The following FHOD3 variants were observed in gnomAD, a reference collection of about 807,000 sequenced individuals.
FHOD3 encodes FH1/FH2 domain-containing protein 3.
In FHOD3, 90 loss-of-function variants were observed where a neutral mutation model predicts 173.0. The ratio of observed to expected loss-of-function variants is 0.52; its 90% CI spans 0.44 to 0.62. The LOEUF (loss-of-function observed/expected upper bound fraction) is 0.62. Ranked by LOEUF, FHOD3 falls within the 20% of genes least tolerant of loss-of-function variation. The pLI, the probability that FHOD3 is intolerant of heterozygous loss-of-function variation, is 0.00. For missense variants in FHOD3, 1,945 were observed against 2,034.7 expected (o/e 0.96, Z 0.85); for synonymous variants, 828 against 823.0 (o/e 1.01, Z -0.10).
chr18:36,417,292 T>C (rs530320186), intron 3 of FHOD3, among the ~76,000 whole-genome samples: 1 of 152,194 alleles, frequency 6.6e-6, no homozygotes, highest in Non-Finnish European at 1.5e-5. Flanking sequence ...ATCATTTAGC[T>C]CCTACTTATT....
rs1353923767 is a variant in FHOD3 at position 36,764,004 on chromosome 18, G to A, written c.4624+3222G>A. ...GAAAATAATATTATGCTTTGGCAAT[G>A]AAAAGGTAGCCTTTTAGTGACCAAG... On this transcript the variant is annotated intron_variant, in intron 27 of 28. Coordinates refer to ENST00000590592, the MANE Select transcript of FHOD3 (RefSeq NM_001281740.3). 3.3e-5 allele frequency among the ~76,000 whole-genome samples: 5 copies of A among 152,236 alleles called. No individual in the cohort carries two copies. The East Asian group carries it at 9.6e-4, about 29-fold the overall frequency.
intron 18 of FHOD3, among the ~76,000 whole-genome samples, chr18:36,713,809 T>G (rs1031913518): frequency 6.6e-6 from 1 of 152,130 alleles, no homozygotes; most frequent in Non-Finnish European, 1.5e-5. Context: ...TAAAAAAAAG[T>G]ATTCAAGTAA....
At chr18:36,513,654 C>T (rs1364624453) in intron 5 of FHOD3, among the ~76,000 whole-genome samples, 3 of 152,038 alleles carry the variant, frequency 2.0e-5, no homozygotes, top group South Asian at 2.1e-4. Context: ...TGTTTTGCCC[C>T]GAGAATGCTT....
At chr18:36,644,439 G>A (rs550961192) in intron 10 of FHOD3, among the ~76,000 whole-genome samples, 1 of 152,264 alleles carries the variant, frequency 6.6e-6, no homozygotes, top group East Asian at 1.9e-4. Context: ...CCTAGGAGAG[G>A]ATATTTCCTT....
chr18:36,639,487 C>T (rs1385165247), intron 10 of FHOD3, among the ~76,000 whole-genome samples: 1 of 152,000 alleles, frequency 6.6e-6, no homozygotes, highest in Non-Finnish European at 1.5e-5. Context: ...GGTGAAACCC[C>T]GTCTCTACTA....
intron 2 of FHOD3, among the ~76,000 whole-genome samples, chr18:36,369,496 C>CATAT (rs1303201150): frequency 6.1e-3 from 646 of 105,980 alleles, no homozygotes; most frequent in Middle Eastern, 0.023. Context: ...CACACACACA[C>CATAT]ACATATATAT....
At chr18:36,449,027 C>CT (rs2051667514) in intron 3 of FHOD3, among the ~76,000 whole-genome samples, 1 of 151,884 alleles carries the variant, frequency 6.6e-6, no homozygotes, top group African/African-American at 2.4e-5. Context: ...AGAAAGGACT[C>CT]TTTTACCCTG....
At chr18:36,594,765 A>G (rs761955334) in intron 6 of FHOD3, 22 bp from the exon 7 acceptor site, 8 of 1,583,194 alleles carry the variant, frequency 5.1e-6, no homozygotes, top group Non-Finnish European at 6.9e-6. Flanking sequence ...CAGTGATGTG[A>G]TGGTTTTATC....
chr18:36,484,128 C>T (rs2054071451), intron 3 of FHOD3, among the ~76,000 whole-genome samples: 1 of 152,244 alleles, frequency 6.6e-6, no homozygotes, highest in African/African-American at 2.4e-5. Flanking sequence ...TGTATTTCTG[C>T]TAGACTATTT....
At chr18:36,650,231 G>A (rs906181925) in intron 11 of FHOD3, among the ~76,000 whole-genome samples, 8 of 150,922 alleles carry the variant, frequency 5.3e-5, no homozygotes, top group African/African-American at 2.0e-4. Flanking sequence ...CTACAAATAA[G>A]CAAAATCAAA....
At chr18:36,559,150 G>C (rs558535064) in intron 5 of FHOD3, among the ~76,000 whole-genome samples, 45 of 152,300 alleles carry the variant, frequency 3.0e-4, no homozygotes, top group Admixed American at 1.6e-3. Flanking sequence ...GTATCCTTGA[G>C]TTGGATTCTT....
chr18:36,488,364 G>A (rs1381692713), intron 3 of FHOD3, among the ~76,000 whole-genome samples: 3 of 152,156 alleles, frequency 2.0e-5, no homozygotes, highest in South Asian at 2.1e-4. Flanking sequence ...CATTGACCCC[G>A]GGAAGGAAGA....
chr18:36,646,372 G>A (rs2035683986), intron 10 of FHOD3, among the ~76,000 whole-genome samples: 1 of 152,088 alleles, frequency 6.6e-6, no homozygotes, highest in Non-Finnish European at 1.5e-5. Context: ...AATTAAGATA[G>A]CAGTAAGATT....
chr18:36,693,534 G>T, intron 17 of FHOD3, 111 bp downstream of exon 17: 1 of 986,504 alleles, frequency 1.0e-6, no homozygotes, highest in South Asian at 1.6e-5. Context: ...AGCAACTATG[G>T]GTACACTTTG....
chr18:36,495,104 T>G (rs1307937898), intron 3 of FHOD3, among the ~76,000 whole-genome samples: 2 of 151,774 alleles, frequency 1.3e-5, no homozygotes, highest in Non-Finnish European at 2.9e-5. Context: ...CCCTGGCTAA[T>G]TTTTGTATTT....
At chr18:36,406,548 T>C (rs542863653) in intron 3 of FHOD3, among the ~76,000 whole-genome samples, 4 of 152,024 alleles carry the variant, frequency 2.6e-5, no homozygotes, top group Admixed American at 6.6e-5. Flanking sequence ...TTAAACGGGG[T>C]GTGTTTGGGT....
chr18:36,681,368 C>A, intron 14 of FHOD3, 68 bp from the exon 15 acceptor site: 1 of 1,587,924 alleles, frequency 6.3e-7, no homozygotes, highest in South Asian at 1.1e-5. Context: ...CAAGGTCTGA[C>A]TGGTGCTTAC....
intron 5 of FHOD3, among the ~76,000 whole-genome samples, chr18:36,553,540 G>T (rs1054276280): frequency 1.2e-4 from 18 of 152,124 alleles, no homozygotes; most frequent in African/African-American, 4.3e-4. Flanking sequence ...TCCTGGTTTA[G>T]TCTTGGGAGG....
chr18:36,434,221 A>G (rs1440333024), intron 3 of FHOD3, among the ~76,000 whole-genome samples: 11 of 152,164 alleles, frequency 7.2e-5, no homozygotes, highest in Non-Finnish European at 1.3e-4. Flanking sequence ...CAGTTTTTCT[A>G]TTTTGGTCTA....
Sources: allele counts gnomAD v4.1 joint callset (sites outside exome capture counted in the v4.1 genomes callset), GRCh38; gene constraint gnomAD v4.1.1; transcripts MANE v1.5; gene names NCBI Gene and HGNC (gene_info 2026-07-23, HGNC 2026-07-21).